MAF: variants seen among roughly 807,000 people sequenced by gnomAD.
The protein encoded by MAF is MAF bZIP transcription factor, also known as transcription factor Maf.
A neutral mutation model predicts 22.0 loss-of-function variants in MAF; 10 were observed. That is an observed-to-expected ratio of 0.45 (90% CI 0.28 to 0.77). The LOEUF is 0.77. Ranked by LOEUF, MAF falls within the 30% of genes least tolerant of loss-of-function variation. The pLI is 0.12. For missense variants in MAF, 544 were observed against 548.4 expected (o/e 0.99, Z 0.08); for synonymous variants, 337 against 255.8 (o/e 1.32, Z -3.03).
At chr16:79,504,691 A>T in the MAF span, among the ~76,000 whole-genome samples, 694 of 152,314 alleles carry the variant, frequency 4.6e-3, 3 homozygotes, top group African/African-American at 0.016. Flanking sequence ...TGGATGACGG[A>T]TAGATGGATG....
chr16:79,566,978 G>A, the MAF span, among the ~76,000 whole-genome samples: 1 of 152,166 alleles, frequency 6.6e-6, no homozygotes, highest in South Asian at 2.1e-4. Flanking sequence ...TCTTTTGGCT[G>A]TCTGGGATGA....
At chr16:79,554,332 T>C in the MAF span, among the ~76,000 whole-genome samples, 1 of 152,194 alleles carries the variant, frequency 6.6e-6, no homozygotes, top group East Asian at 1.9e-4. Context: ...CATATCCATG[T>C]CTGCTGGTCT....
At chr16:79,481,659 C>T in the MAF span, among the ~76,000 whole-genome samples, 2 of 151,676 alleles carry the variant, frequency 1.3e-5, no homozygotes, top group Admixed American at 1.3e-4. Flanking sequence ...CACTCATCCA[C>T]CTATGCATTC....
At chr16:79,525,460 C>T in the MAF span, among the ~76,000 whole-genome samples, 5 of 152,156 alleles carry the variant, frequency 3.3e-5, no homozygotes, top group African/African-American at 7.2e-5. Flanking sequence ...TCTAATTCTT[C>T]TTCCAAATAT....
the MAF span, among the ~76,000 whole-genome samples, chr16:79,250,904 G>T: frequency 6.6e-6 from 1 of 152,310 alleles, no homozygotes; most frequent in Admixed American, 6.5e-5. Context: ...GTCCCAAGCA[G>T]ACTGGACAAG....
At chr16:79,211,930 C>G in the MAF span, 2 of 1,538,950 alleles carry the variant, frequency 1.3e-6, no homozygotes, top group East Asian at 4.9e-5. Context: ...GCAGTCACAA[C>G]AGAGTGAAAA....
At chr16:79,322,794 T>C in the MAF span, among the ~76,000 whole-genome samples, 2 of 151,916 alleles carry the variant, frequency 1.3e-5, no homozygotes, top group East Asian at 1.9e-4. Flanking sequence ...AGTAGGAATG[T>C]CACCCTGTAG....
the MAF span, among the ~76,000 whole-genome samples, chr16:79,512,215 G>C: frequency 6.6e-6 from 1 of 152,132 alleles, no homozygotes; most frequent in African/African-American, 2.4e-5. Context: ...CAAAGAACAG[G>C]CAAAGCTTCA....
the MAF span, among the ~76,000 whole-genome samples, chr16:79,243,876 G>A: frequency 3.3e-5 from 5 of 151,972 alleles, 1 homozygote; most frequent in Non-Finnish European, 7.4e-5. Context: ...CCACGATCAA[G>A]TCAGCTTTAT....
chr16:79,302,860 A>C, the MAF span, among the ~76,000 whole-genome samples: 1 of 152,234 alleles, frequency 6.6e-6, no homozygotes, highest in Non-Finnish European at 1.5e-5. Flanking sequence ...GAAATGCAAA[A>C]TAGTCAATCT....
At chr16:79,314,605 T>G in the MAF span, among the ~76,000 whole-genome samples, 1 of 152,170 alleles carries the variant, frequency 6.6e-6, no homozygotes, top group African/African-American at 2.4e-5. Flanking sequence ...AGCACCAGTT[T>G]GGCAAGGTAA....
chr16:79,482,872 C>T, the MAF span, among the ~76,000 whole-genome samples: 1 of 118,980 alleles, frequency 8.4e-6, no homozygotes, highest in South Asian at 3.6e-4. Flanking sequence ...CCCTCCCTCT[C>T]CTCCTCTCCC....
At chr16:79,509,443 C>G in the MAF span, among the ~76,000 whole-genome samples, 3 of 152,306 alleles carry the variant, frequency 2.0e-5, no homozygotes, top group East Asian at 1.9e-4. Context: ...CAGAAGAGCT[C>G]GAATGTTTAC....
chr16:79,406,013 T>A, the MAF span, among the ~76,000 whole-genome samples: 1 of 152,094 alleles, frequency 6.6e-6, no homozygotes, highest in Admixed American at 6.5e-5. Flanking sequence ...AGCCACAGAG[T>A]AGCCCTCAGC....
the MAF span, among the ~76,000 whole-genome samples, chr16:79,508,889 G>A: frequency 2.0e-5 from 3 of 152,096 alleles, no homozygotes; most frequent in Admixed American, 6.6e-5. Context: ...ACTCTTAATG[G>A]GTATGAGGCT....
At chr16:79,491,075 A>G in the MAF span, among the ~76,000 whole-genome samples, 1 of 152,226 alleles carries the variant, frequency 6.6e-6, no homozygotes, top group African/African-American at 2.4e-5. Context: ...CCGAAAGGAT[A>G]GAACGGAAAG....
At chr16:79,499,383 T>C in the MAF span, among the ~76,000 whole-genome samples, 6 of 152,108 alleles carry the variant, frequency 3.9e-5, no homozygotes, top group African/African-American at 1.4e-4. Context: ...CAATGACAAC[T>C]CCACCCTCCA....
the MAF span, among the ~76,000 whole-genome samples, chr16:79,238,063 G>A: frequency 6.6e-6 from 1 of 152,020 alleles, no homozygotes; most frequent in East Asian, 1.9e-4. Flanking sequence ...TCTCACCCAG[G>A]CATGCGGTTC....
the MAF span, among the ~76,000 whole-genome samples, chr16:79,563,049 A>G: frequency 6.6e-6 from 1 of 152,316 alleles, no homozygotes; most frequent in South Asian, 2.1e-4. Context: ...AGTCAGTGTT[A>G]CATCTAGGCT....
Sources: allele counts gnomAD v4.1 joint callset (sites outside exome capture counted in the v4.1 genomes callset), GRCh38; gene constraint gnomAD v4.1.1; transcripts MANE v1.5; gene names NCBI Gene and HGNC (gene_info 2026-07-23, HGNC 2026-07-21).